The following EIF4G3 variants were observed in gnomAD, a reference collection of about 807,000 sequenced individuals.
The protein encoded by EIF4G3 is eIF-4-gamma 3.
In EIF4G3, 34 loss-of-function variants were observed where a neutral mutation model predicts 186.4. That is an observed-to-expected ratio of 0.18 (90% CI 0.14 to 0.24). The LOEUF (loss-of-function observed/expected upper bound fraction) is 0.24. Ranked by LOEUF, EIF4G3 falls within the 10% of genes least tolerant of loss-of-function variation. The pLI, the probability that EIF4G3 is intolerant of heterozygous loss-of-function variation, is 1.00. For synonymous variants in EIF4G3, 673 were observed against 679.5 expected, an observed-to-expected ratio of 0.99 and a Z score of 0.15; for missense variants, 1,536 against 1,948.5, an observed-to-expected ratio of 0.79 and a Z score of 3.99.
chr1:21,105,063 T>G (rs1040358518), intron 2 of EIF4G3, among the ~76,000 whole-genome samples: 16 of 152,208 alleles, frequency 1.1e-4, no homozygotes, highest in African/African-American at 3.9e-4. Context: ...GAGGGTGAAG[T>G]GTGAGTGGAG....
At chr1:21,155,836 C>T (rs2097649572) in intron 2 of EIF4G3, among the ~76,000 whole-genome samples, 1 of 151,992 alleles carries the variant, frequency 6.6e-6, no homozygotes, top group African/African-American at 2.4e-5. Flanking sequence ...TGTAAAGAAA[C>T]ACACAAAAAG....
intron 30 of EIF4G3, among the ~76,000 whole-genome samples, chr1:20,829,642 T>C (rs1411196498): frequency 6.6e-6 from 1 of 152,188 alleles, no homozygotes; most frequent in Non-Finnish European, 1.5e-5. Context: ...TCCTGCACTA[T>C]AAAGAATTCA....
intron 19 of EIF4G3, among the ~76,000 whole-genome samples, 194 bp from the exon 20 acceptor site, chr1:20,879,714 G>C (rs1467638223): frequency 6.6e-6 from 1 of 152,096 alleles, no homozygotes. Context: ...TTTCACTACT[G>C]AGGAGAATTC....
intron 2 of EIF4G3, among the ~76,000 whole-genome samples, chr1:21,129,130 T>A (rs2097104348): frequency 6.6e-6 from 1 of 151,682 alleles, no homozygotes; most frequent in Non-Finnish European, 1.5e-5. Context: ...CTGGCCAACA[T>A]GGTGAAACCC....
intron 2 of EIF4G3, among the ~76,000 whole-genome samples, chr1:21,110,633 A>T (rs2096708235): frequency 6.6e-6 from 1 of 151,328 alleles, no homozygotes; most frequent in Admixed American, 6.6e-5. Flanking sequence ...GTTTCACCAT[A>T]TTGGTCAGAC....
intron 4 of EIF4G3, among the ~76,000 whole-genome samples, chr1:21,043,224 A>C (rs1425595717): frequency 1.3e-5 from 2 of 152,232 alleles, no homozygotes; most frequent in African/African-American, 4.8e-5. Context: ...GATTTAAGTG[A>C]AAATGAACAT....
chr1:20,948,274 G>T (rs557489431), intron 13 of EIF4G3, among the ~76,000 whole-genome samples: 1 of 152,284 alleles, frequency 6.6e-6, no homozygotes, highest in Admixed American at 6.5e-5. Context: ...GTAGCAAGTC[G>T]ACTTCCACAT....
chr1:21,095,852 G>A (rs76184975), intron 2 of EIF4G3, among the ~76,000 whole-genome samples: 4,405 of 150,308 alleles, frequency 0.029, 135 homozygotes, highest in East Asian at 0.14. Context: ...TGCTGACTAC[G>A]CTGTTATTTC....
chr1:21,058,440 A>G (rs1053480495), intron 3 of EIF4G3, among the ~76,000 whole-genome samples: 1 of 152,136 alleles, frequency 6.6e-6, no homozygotes, highest in Non-Finnish European at 1.5e-5. Flanking sequence ...AATAAACCAT[A>G]TATTGGTATA....
rs1181890026 is a variant in EIF4G3, at chr1:20,941,588, T to G, written c.1566A>C (p.Ala522=). 1.2e-6 allele frequency: 2 copies of G among 1,614,124 alleles called. No homozygotes were observed. The highest frequency in any genetic ancestry group is 1.3e-5 in the African/African-American group (1 of 74,950). ...CCTCTATTTTGTTCTGAATCTCTTT[T>G]GCATCTTCACTAAGGCAAGTTCTTA... is the stretch of plus-strand genomic sequence containing the variant. ...ESIRTCLSED[A]KEIQNKIEVE... Residue 522 remains alanine, a synonymous_variant, in exon 14 of 37, where the codon GCA becomes GCC. Transcript: ENST00000602326.
chr1:21,063,742 C>T (rs1180274240), intron 3 of EIF4G3, among the ~76,000 whole-genome samples: 1 of 145,242 alleles, frequency 6.9e-6, no homozygotes, highest in Non-Finnish European at 1.5e-5. Context: ...CGCAGTCTCA[C>T]TCTGTTGCCC....
chr1:20,952,612 G>A (rs566091172), intron 12 of EIF4G3, among the ~76,000 whole-genome samples: 4 of 152,284 alleles, frequency 2.6e-5, no homozygotes, highest in South Asian at 2.1e-4. Context: ...ACTCTGGGAG[G>A]CCAAGGCAGA....
intron 35 of EIF4G3, among the ~76,000 whole-genome samples, chr1:20,811,849 AAAAAAAGCAACAT>A (rs61684661): frequency 0.52 from 79,027 of 151,730 alleles, 21,282 homozygotes; most frequent in East Asian, 0.83. Flanking sequence ...GTGAGTATTT[AAAAAAAGCAACAT>A]AAAAAAGCAA....
intron 4 of EIF4G3, among the ~76,000 whole-genome samples, chr1:21,046,705 G>A (rs1253174505): frequency 1.3e-5 from 2 of 152,130 alleles, no homozygotes; most frequent in Non-Finnish European, 2.9e-5. Context: ...AATCTGTTTT[G>A]TATAGAAGAA....
chr1:20,935,286 G>A (rs923768200), intron 14 of EIF4G3, among the ~76,000 whole-genome samples: 1 of 152,146 alleles, frequency 6.6e-6, no homozygotes, highest in African/African-American at 2.4e-5. Context: ...CTATATCCAG[G>A]AATAACTGTT....
chr1:20,950,938 A>G (rs2096186867), intron 12 of EIF4G3, among the ~76,000 whole-genome samples: 1 of 152,226 alleles, frequency 6.6e-6, no homozygotes, highest in Non-Finnish European at 1.5e-5. Context: ...TTGAGGTTAC[A>G]CAAGCCACGA....
intron 4 of EIF4G3, among the ~76,000 whole-genome samples, chr1:21,049,246 C>T (rs1375866182): frequency 6.6e-6 from 1 of 152,178 alleles, no homozygotes; most frequent in African/African-American, 2.4e-5. Context: ...TGAACAGCAC[C>T]ACAGTGGCTC....
intron 3 of EIF4G3, among the ~76,000 whole-genome samples, chr1:21,059,365 G>T (rs752840977): frequency 3.9e-5 from 6 of 151,966 alleles, no homozygotes; most frequent in African/African-American, 7.3e-5. Context: ...TTAATATTTT[G>T]TATCATCCTA....
At chr1:20,944,103 A>G (rs972144742) in intron 13 of EIF4G3, among the ~76,000 whole-genome samples, 1 of 151,006 alleles carries the variant, frequency 6.6e-6, no homozygotes, top group African/African-American at 2.4e-5. Flanking sequence ...AATATCTTTG[A>G]TGAAAATAAT....
Sources: gnomAD v4.1 joint callset for allele counts (sites outside exome capture counted in the v4.1 genomes callset) on GRCh38, gnomAD v4.1.1 for gene constraint, MANE v1.5 for transcripts, NCBI Gene and HGNC (gene_info 2026-07-23, HGNC 2026-07-21) for gene names.